Variants in ZNF90 observed in about 807,000 individuals in gnomAD.
ZNF90 encodes zinc finger protein 90, also known as zinc finger protein HTF9.
Under a neutral mutation model 12.0 loss-of-function variants are expected in ZNF90, and 11 were observed. The observed-to-expected ratio is 0.92, with a 90% CI of 0.58 to 1.52. The LOEUF (loss-of-function observed/expected upper bound fraction) is 1.52, where lower values mean the gene tolerates loss of function less well. Ranked by LOEUF, ZNF90 falls within the 40% of genes most tolerant of loss-of-function variation. The pLI is 0.00. For missense variants in ZNF90, 765 were observed against 711.5 expected (o/e 1.08, Z -0.86); for synonymous variants, 232 against 240.1 (o/e 0.97, Z 0.31).
At chr19:20,084,452 C>G (rs1211961546) in intron 1 of ZNF90, among the ~76,000 whole-genome samples, 2 of 152,160 alleles carry the variant, frequency 1.3e-5, no homozygotes, top group African/African-American at 4.8e-5. Flanking sequence ...AATGAACATG[C>G]ATGTGGGTAT....
intron 1 of ZNF90, among the ~76,000 whole-genome samples, chr19:20,101,177 C>A (rs549078394): frequency 6.6e-6 from 1 of 152,316 alleles, no homozygotes; most frequent in South Asian, 2.1e-4. Flanking sequence ...TTGCCACTCC[C>A]GATTAGGCTA....
At chr19:20,100,378 C>T (rs1314170813) in intron 1 of ZNF90, among the ~76,000 whole-genome samples, 5 of 152,206 alleles carry the variant, frequency 3.3e-5, no homozygotes, top group Admixed American at 2.0e-4. Context: ...AAATAATCCC[C>T]TGCACTGCAG....
intron 1 of ZNF90, among the ~76,000 whole-genome samples, chr19:20,079,531 C>T (rs1599637134): frequency 6.6e-6 from 1 of 151,994 alleles, no homozygotes. Flanking sequence ...CTTGCAAAAA[C>T]GTAGGCAGAA....
In ZNF90 at chr19:20,119,197, G is replaced by A. The variant is rs569937981; in HGVS notation, c.1643G>A (p.Arg548His). 1.8e-5 allele frequency: 29 copies of A among 1,612,984 alleles called. No individual in the cohort carries two copies. Among genetic ancestry groups the A allele is most frequent in the African/African-American group, 1.1e-4 (8 of 74,758 alleles). ...GAAGAATGTGGCAAAGCCTTTAAGC[G>A]CTCCTCACAGCTTACTAGTCATAAG... is the stretch of plus-strand genomic sequence containing the variant. ...KCEECGKAFK[R>H]SSQLTSHKIS... is the part of the protein sequence containing the mutation. The change falls in exon 4 of 4, where the codon CGC (arginine) becomes CAC (histidine). Residue 548 changes from arginine to histidine, a missense_variant. By Grantham distance (29) the Arg-to-His change is conservative (BLOSUM62 0). Coordinates refer to ENST00000418063, the MANE Select transcript of ZNF90 (RefSeq NM_007138.2).
chr19:20,118,030 A>T lies in ZNF90; in HGVS notation c.476A>T (p.Asn159Ile). 2 of 1,611,954 alleles carry T rather than the reference A, an allele frequency of 1.2e-6. No homozygotes were observed. The highest frequency in any genetic ancestry group is 1.7e-5 in the Admixed American group (1 of 59,452). ...TYVKVSHIFSNSNRHKIRDTG... is the reference protein window; with the variant it reads ...TYVKVSHIFSISNRHKIRDTG... The stretch of plus-strand genomic sequence containing the variant: ...GTGAAAGTCTCTCATATATTTTCAA[A>T]TTCAAACAGACATAAGATAAGAGAT... The change falls in exon 4 of 4, where the codon AAT becomes ATT. Residue 159 changes from asparagine to isoleucine, a missense_variant. Transcript: ENST00000418063.
intron 1 of ZNF90, chr19:20,087,473 T>C (rs1185437950): frequency 5.9e-5 from 9 of 152,116 alleles, no homozygotes; most frequent in African/African-American, 2.2e-4. Context: ...CCATTATAAG[T>C]AGAAAGGAGT....
At chr19:20,083,187 C>T (rs1157069344) in intron 1 of ZNF90, among the ~76,000 whole-genome samples, 1 of 152,124 alleles carries the variant, frequency 6.6e-6, no homozygotes, top group Non-Finnish European at 1.5e-5. Context: ...GAGCTCTTGT[C>T]CCCTGGGCCC....
At position 20,118,179 on chromosome 19, in the gene ZNF90, G is replaced by A. The variant is rs781859797; in HGVS notation, c.625G>A (p.Ala209Thr). 6.2e-7 allele frequency: 1 copy of A among 1,612,908 alleles called. No individual in the cohort carries two copies. Among genetic ancestry groups the A allele is most frequent in the Admixed American group, 1.7e-5 (1 of 59,768 alleles). Residue 209 changes from alanine to threonine, a missense_variant, in exon 4 of 4, where the codon GCC (alanine) becomes ACC (threonine). Physicochemically the swap from Ala to Thr is moderately conservative, Grantham distance 58. Coordinates refer to ENST00000418063, the MANE Select transcript of ZNF90 (RefSeq NM_007138.2). ...CTGCAAATGTGAAGAATGTGGCAAA[G>A]CCTTCAACAGGTCCTCACACCTTAC... ...ITCKCEECGK[A>T]FNRSSHLTSH...
rs1201009949 is a variant in ZNF90 at position 20,080,077 on chromosome 19, A to G, written c.3+1942A>G. 1.7e-5 allele frequency: 6 copies of G among 348,684 alleles called. No homozygotes were observed. The East Asian group carries it at 3.8e-4, about 22-fold the overall frequency. 21.6% of individuals were successfully genotyped at this position (348,684 alleles called of 1,614,324 possible). On this transcript the variant is annotated intron_variant, in intron 1 of 3. Coordinates refer to ENST00000418063, the MANE Select transcript of ZNF90 (RefSeq NM_007138.2). ...CAGCCTCCCGAGTAGCTGGGATTAC[A>G]GGCATGCACCACCACACCTGGCTAA...
intron 1 of ZNF90, among the ~76,000 whole-genome samples, chr19:20,103,113 G>A (rs2089003079): frequency 6.6e-6 from 1 of 152,148 alleles, no homozygotes; most frequent in South Asian, 2.1e-4. Context: ...AGAAAGGTGG[G>A]ACACCAGGGG....
In ZNF90 at chr19:20,119,452, CT is replaced by C. The variant is rs1555706336; in HGVS notation, c.*93del. On this transcript the variant is annotated 3_prime_UTR_variant, in exon 4 of 4. Coordinates refer to ENST00000418063, the MANE Select transcript of ZNF90 (RefSeq NM_007138.2). ...ACTGTTGGAAAGCCTTTGACCACCC[CT>C]CTACTCTTACTAAATATGAGAATTT... The C allele has an allele frequency of 2.9e-6, 3 of 1,049,022 alleles. No homozygotes were observed. Among genetic ancestry groups the C allele is most frequent in the East Asian group, 5.2e-5 (2 of 38,576 alleles). The allele number at this position is 1,049,022 out of a possible 1,614,324, so 65.0% of individuals were successfully genotyped here.
At chr19:20,092,806 A>G (rs925727811) in intron 1 of ZNF90, among the ~76,000 whole-genome samples, 7 of 152,226 alleles carry the variant, frequency 4.6e-5, no homozygotes, top group Non-Finnish European at 1.0e-4. Context: ...GGGATACCCG[A>G]TATCCTTTGG....
At chr19:20,104,151 T>A in intron 1 of ZNF90, 88 bp from the exon 2 acceptor site, 1 of 1,578,416 alleles carries the variant, frequency 6.3e-7, no homozygotes, top group Admixed American at 1.8e-5. Flanking sequence ...CAATTCTCTT[T>A]ACTCTCCAAT....
intron 2 of ZNF90, among the ~76,000 whole-genome samples, chr19:20,104,705 C>T (rs782731900): frequency 6.6e-6 from 1 of 152,064 alleles, no homozygotes; most frequent in Non-Finnish European, 1.5e-5. Flanking sequence ...TAAAAACCTA[C>T]AAATTAGGAC....
chr19:20,104,456 G>A, intron 2 of ZNF90, 91 bp downstream of exon 2: 6 of 1,406,606 alleles, frequency 4.3e-6, no homozygotes, highest in Non-Finnish European at 4.7e-6. Context: ...TGTATTGTTT[G>A]CATAAGAGAG....
rs147723768 is a variant in ZNF90, at chr19:20,113,472, G to A, written c.227-4309G>A. ...CCTCCCAAAGTGCTGGGATACAGGC[G>A]TAAGCCACCGCACGCAGCTTGTAAC... is the stretch of plus-strand genomic sequence containing the variant. On this transcript the variant is annotated intron_variant, in intron 3 of 3. Coordinates refer to ENST00000418063, the MANE Select transcript of ZNF90 (RefSeq NM_007138.2). Among the ~76,000 whole-genome samples, 26 of 151,618 alleles carry A rather than the reference G, an allele frequency of 1.7e-4. No homozygotes were observed. In the East Asian group the frequency reaches 4.5e-3, roughly 26 times the overall value.
rs2089188683 is a variant in ZNF90 at position 20,120,807 on chromosome 19, T to G, written c.*1447T>G. 6.6e-6 allele frequency: 1 copy of G among 152,170 alleles called. No homozygotes were observed. The highest frequency in any genetic ancestry group is 6.5e-5 in the Admixed American group (1 of 15,276). The allele number at this position is 152,170 out of a possible 1,614,324, so 9.4% of individuals were successfully genotyped here. A position where few individuals can be genotyped will look rare whatever the true frequency, so the allele number is the denominator to read the frequency against. On this transcript the variant is annotated 3_prime_UTR_variant, in exon 4 of 4. Transcript: ENST00000418063. Reference sequence around the variant, plus strand: ...TATACTTGCTTTCTTGAGAAAAAATTTTTGAAAAGTGAATAAGGTAATAGA... The same window carrying G: ...TATACTTGCTTTCTTGAGAAAAAATGTTTGAAAAGTGAATAAGGTAATAGA...
In ZNF90 at chr19:20,119,342, G is replaced by A; in HGVS notation, c.1788G>A (p.Lys596=). The part of the protein sequence containing the change: ...IHIGQKAYIV[K]NMANL Reference sequence around the variant, plus strand: ...TTGGACAGAAAGCCTACATAGTGAAGAACATGGCAAATCTTTGAAATATTC... The same window carrying A: ...TTGGACAGAAAGCCTACATAGTGAAAAACATGGCAAATCTTTGAAATATTC... The change falls in exon 4 of 4, where the codon AAG becomes AAA. Residue 596 remains lysine (K), a synonymous_variant. Transcript: ENST00000418063. 6.3e-7 allele frequency: 1 copy of A among 1,589,194 alleles called. No homozygotes were observed. The highest frequency in any genetic ancestry group is 1.4e-5 in the African/African-American group (1 of 73,932).
At chr19:20,091,724 A>G (rs2088904258) in intron 1 of ZNF90, among the ~76,000 whole-genome samples, 1 of 152,216 alleles carries the variant, frequency 6.6e-6, no homozygotes, top group Non-Finnish European at 1.5e-5. Flanking sequence ...GGCATTAATG[A>G]TGGAGGACCC....
Sources: allele counts gnomAD v4.1 joint callset (sites outside exome capture counted in the v4.1 genomes callset), GRCh38; gene constraint gnomAD v4.1.1; transcripts MANE v1.5; gene names NCBI Gene and HGNC (gene_info 2026-07-23, HGNC 2026-07-21).